SLC41A2: variants seen among roughly 807,000 people sequenced by gnomAD.
SLC41A2 encodes the protein SLC41A1-like 1.
Under a neutral mutation model 58.3 loss-of-function variants are expected in SLC41A2, and 32 were observed. The observed-to-expected ratio is 0.55, with a 90% CI of 0.41 to 0.74. The LOEUF (loss-of-function observed/expected upper bound fraction) is 0.74, where lower values mean the gene tolerates loss of function less well. SLC41A2 is among the 30% of genes least tolerant of loss of function. The probability of loss-of-function intolerance (pLI) is 0.00; values close to 1 mark genes in which losing one functional copy is unlikely to be tolerated. For missense variants in SLC41A2, 514 were observed against 680.6 expected, an observed-to-expected ratio of 0.76 and a Z score of 2.72; for synonymous variants, 190 against 235.0, an observed-to-expected ratio of 0.81 and a Z score of 1.75.
chr12:104,889,667 G>A (rs1056548264), intron 4 of SLC41A2, among the ~76,000 whole-genome samples: 2 of 152,182 alleles, frequency 1.3e-5, no homozygotes, highest in Non-Finnish European at 2.9e-5. Flanking sequence ...AATGTGCTAT[G>A]TTTTGTGTTG....
chr12:104,861,304 C>A lies in SLC41A2; in HGVS notation c.1242G>T (p.Thr414=). The change falls in exon 8 of 11, where the codon ACG becomes ACT. Residue 414 remains threonine, a synonymous_variant. Transcript: ENST00000258538. ...DPNLVGIVVY[T]PVINGIGGNL... ...TCTAATTCTTACCATTAATAACTGG[C>A]GTGTAAACAACAATCCCAACCAAGT... The A allele has an allele frequency of 6.2e-7, 1 of 1,610,722 alleles. No homozygotes were observed. Among genetic ancestry groups the A allele is most frequent in the African/African-American group, 1.3e-5 (1 of 74,924 alleles).
chr12:104,853,911 A>ATTATTATTATTTTTTTTTTTTTTT lies in SLC41A2; in HGVS notation c.1255+7379_1255+7380insAAAAAAAAAAAAAAATAATAATAA. On this transcript the variant is annotated intron_variant, in intron 8 of 10. Transcript: ENST00000258538. Reference sequence around the variant, plus strand: ...GGGTGCATGTCACCATGCCTGGCTGATTTTTTTTTTTTTTTTTTTTTTTTT... The same window carrying ATTATTATTATTTTTTTTTTTTTTT: ...GGGTGCATGTCACCATGCCTGGCTGATTATTATTATTTTTTTTTTTTTTTTTTTTTTTTTTTTTTTTTTTTTTTT... Among the ~76,000 whole-genome samples the ATTATTATTATTTTTTTTTTTTTTT allele has an allele frequency of 1.8e-3, 107 of 59,478 alleles. 4 individuals are homozygous for ATTATTATTATTTTTTTTTTTTTTT. The highest frequency in any genetic ancestry group is 2.4e-3 in the Admixed American group (11 of 4,650). The allele number at this position is 59,478 out of a possible 152,430, so 39.0% of individuals were successfully genotyped here. A position where few individuals can be genotyped will look rare whatever the true frequency, so the allele number is the denominator to read the frequency against.
intron 2 of SLC41A2, among the ~76,000 whole-genome samples, chr12:104,927,494 T>G (rs1419699759): frequency 6.6e-6 from 1 of 152,190 alleles, no homozygotes; most frequent in Non-Finnish European, 1.5e-5. Flanking sequence ...TATGTATATA[T>G]GTAAGCATAG....
chr12:104,855,270 CA>C (rs758014153), intron 8 of SLC41A2, among the ~76,000 whole-genome samples: 4 of 152,052 alleles, frequency 2.6e-5, no homozygotes, highest in African/African-American at 9.7e-5. Flanking sequence ...ACTTACACTA[CA>C]AAAAAACACC....
intron 2 of SLC41A2, among the ~76,000 whole-genome samples, chr12:104,913,392 C>T (rs540116595): frequency 6.6e-6 from 1 of 152,236 alleles, no homozygotes; most frequent in South Asian, 2.1e-4. Context: ...CAAAAGACTC[C>T]ACTGCTGATC....
At chr12:104,838,085 T>G (rs926562913) in intron 10 of SLC41A2, among the ~76,000 whole-genome samples, 1 of 152,214 alleles carries the variant, frequency 6.6e-6, no homozygotes, top group Non-Finnish European at 1.5e-5. Context: ...TTTTTATGTC[T>G]TTGTAGTTAA....
At chr12:104,821,875 T>A (rs1294423362) in intron 10 of SLC41A2, among the ~76,000 whole-genome samples, 1 of 152,246 alleles carries the variant, frequency 6.6e-6, no homozygotes, top group African/African-American at 2.4e-5. Context: ...TTATACCTTA[T>A]ACATATCATT....
chr12:104,843,806 C>T (rs919573604), intron 10 of SLC41A2, among the ~76,000 whole-genome samples: 4 of 152,234 alleles, frequency 2.6e-5, no homozygotes, highest in East Asian at 3.9e-4. Context: ...GAACAAATAT[C>T]ATAGCATTTT....
chr12:104,920,619 T>A (rs1332051340), intron 2 of SLC41A2, among the ~76,000 whole-genome samples: 1 of 151,530 alleles, frequency 6.6e-6, no homozygotes, highest in African/African-American at 2.4e-5. Flanking sequence ...CTCGACAAAA[T>A]TTTTTTTAAA....
chr12:104,922,862 A>G (rs1225081030), intron 2 of SLC41A2, among the ~76,000 whole-genome samples: 1 of 152,216 alleles, frequency 6.6e-6, no homozygotes, highest in Admixed American at 6.5e-5. Flanking sequence ...ACTAGAATCA[A>G]TAAGAAGATG....
intron 1 of SLC41A2, among the ~76,000 whole-genome samples, chr12:104,945,470 A>G (rs1375553643): frequency 6.6e-6 from 1 of 152,132 alleles, no homozygotes; most frequent in Admixed American, 6.5e-5. Context: ...ACTGCACTCT[A>G]GCATGGGTGA....
chr12:104,885,792 T>C (rs2044627025), intron 6 of SLC41A2, among the ~76,000 whole-genome samples: 1 of 152,226 alleles, frequency 6.6e-6, no homozygotes, highest in East Asian at 1.9e-4. Context: ...GATTTTTTTT[T>C]CCCTTTTGTT....
In SLC41A2 at chr12:104,932,392, G is replaced by T. The variant is rs534981505; in HGVS notation, c.-167-3698C>A. ...TGCAATCACAGCATTTTGGGAGGCCGAGTCAGGAGAACTACTTGAGCCCAG... is the reference window on the plus strand; with the variant it reads ...TGCAATCACAGCATTTTGGGAGGCCTAGTCAGGAGAACTACTTGAGCCCAG... On this transcript the variant is annotated intron_variant, in intron 1 of 10. Coordinates refer to ENST00000258538, the MANE Select transcript of SLC41A2 (RefSeq NM_001352171.3). Among the ~76,000 whole-genome samples the T allele has an allele frequency of 2.0e-5, 3 of 152,058 alleles. No homozygotes were observed. In the South Asian group the frequency reaches 6.3e-4, roughly 32 times the overall value.
At chr12:104,879,545 A>G (rs993924068) in intron 6 of SLC41A2, among the ~76,000 whole-genome samples, 1 of 152,254 alleles carries the variant, frequency 6.6e-6, no homozygotes, top group Non-Finnish European at 1.5e-5. Flanking sequence ...TCATTTATTG[A>G]ATAGGGAATC....
intron 1 of SLC41A2, among the ~76,000 whole-genome samples, chr12:104,952,498 G>T (rs1403792495): frequency 6.6e-6 from 1 of 152,160 alleles, no homozygotes; most frequent in Non-Finnish European, 1.5e-5. Context: ...AGTTAAGAAA[G>T]ACCAGGTACC....
intron 6 of SLC41A2, among the ~76,000 whole-genome samples, chr12:104,869,689 C>T (rs2043662723): frequency 6.6e-6 from 1 of 152,112 alleles, no homozygotes; most frequent in African/African-American, 2.4e-5. Context: ...TCTATAGGAC[C>T]CTCCTAACTT....
intron 10 of SLC41A2, among the ~76,000 whole-genome samples, chr12:104,843,934 G>A (rs987934318): frequency 6.6e-6 from 1 of 152,060 alleles, no homozygotes; most frequent in Non-Finnish European, 1.5e-5. Flanking sequence ...AGTTTCTTTT[G>A]AGTGTAATAA....
chr12:104,872,166 G>T (rs980093620), intron 6 of SLC41A2, among the ~76,000 whole-genome samples: 6 of 152,044 alleles, frequency 3.9e-5, no homozygotes, highest in Admixed American at 1.3e-4. Flanking sequence ...TGGAGTAAAA[G>T]GTATAGAACA....
intron 10 of SLC41A2, chr12:104,834,183 T>C: frequency 1.0e-6 from 1 of 985,364 alleles, no homozygotes; most frequent in Non-Finnish European, 1.2e-6. Flanking sequence ...CATACCTATC[T>C]AAAGAATTAA....
Sources: gnomAD v4.1 joint callset for allele counts (sites outside exome capture counted in the v4.1 genomes callset) on GRCh38, gnomAD v4.1.1 for gene constraint, MANE v1.5 for transcripts, NCBI Gene and HGNC (gene_info 2026-07-23, HGNC 2026-07-21) for gene names.